The following ZNF562 variants were observed in gnomAD, a reference collection of about 807,000 sequenced individuals.
The protein encoded by ZNF562 is zinc finger protein 562.
ZNF562 carries 13 observed loss-of-function variants against 17.5 expected under a neutral mutation model. That is an observed-to-expected ratio of 0.74 (90% CI 0.48 to 1.18). ZNF562 has a LOEUF of 1.18. Ranked by LOEUF, ZNF562 falls within the 50% of genes most tolerant of loss-of-function variation. The pLI is 0.00. For missense variants in ZNF562, 481 were observed against 498.5 expected (o/e 0.96, Z 0.33); for synonymous variants, 163 against 165.4 (o/e 0.99, Z 0.11).
chr19:9,673,859 T>C (rs1047001103), intron 1 of ZNF562, among the ~76,000 whole-genome samples: 1 of 151,864 alleles, frequency 6.6e-6, no homozygotes, highest in South Asian at 2.1e-4. Flanking sequence ...TATAAAAAAT[T>C]AGCCAGGTGT....
At chr19:9,669,728 GCGCGCGCACACACA>G (rs1188311498) in intron 1 of ZNF562, among the ~76,000 whole-genome samples, 12 of 84,826 alleles carry the variant, frequency 1.4e-4, no homozygotes, top group Admixed American at 9.8e-4. Flanking sequence ...GCGCGCGCGC[GCGCGCGCACACACA>G]CACACACACA....
At chr19:9,669,256 TAAC>T (rs1320725712) in intron 1 of ZNF562, among the ~76,000 whole-genome samples, 1 of 151,636 alleles carries the variant, frequency 6.6e-6, no homozygotes, top group Non-Finnish European at 1.5e-5. Context: ...TCAAACTTGA[TAAC>T]AAAAAAAATC....
chr19:9,669,689 G>C (rs928410738), intron 1 of ZNF562, among the ~76,000 whole-genome samples: 1 of 147,702 alleles, frequency 6.8e-6, no homozygotes, highest in East Asian at 2.2e-4. Context: ...TCTGAAACTG[G>C]CAAGACCTGT....
At chr19:9,665,057 A>C (rs964407341) in intron 1 of ZNF562, among the ~76,000 whole-genome samples, 3 of 151,706 alleles carry the variant, frequency 2.0e-5, no homozygotes, top group Non-Finnish European at 4.4e-5. Flanking sequence ...CCCTGTCTCT[A>C]CTGAAAATAC....
rs775722616 is a variant in ZNF562 at position 9,648,552 on chromosome 19, C to T, written c.*4397G>A. 2 of 152,108 alleles carry T rather than the reference C, an allele frequency of 1.3e-5. No homozygotes were observed. Among genetic ancestry groups the T allele is most frequent in the African/African-American group, 2.4e-5 (1 of 41,404 alleles). 9.4% of individuals were successfully genotyped at this position (152,108 alleles called of 1,614,324 possible). ...TCTTGACCTCAAATGATCTGCCCAC[C>T]CCCACCTCCCAAATTGCTGGGATTA... On this transcript the variant is annotated 3_prime_UTR_variant, in exon 6 of 6. Transcript: ENST00000453372.
chr19:9,653,771 A>C lies in ZNF562; in HGVS notation c.459T>G (p.Phe153Leu), dbSNP rs58594363. 3.8e-4 allele frequency: 609 copies of C among 1,614,102 alleles called. 1 individual carries two copies. In the African/African-American group the frequency reaches 7.1e-3, roughly 19 times the overall value. The stretch of plus-strand genomic sequence containing the variant: ...TGTCTTTTCCATAACAATTACCCTC[A>C]AAAGTGTTCCCTCCATTCTGAGCTC... ...HMRAQNGGNT[F>L]EGNCYGKDSI... is the part of the protein sequence containing the mutation. Residue 153 changes from phenylalanine (F) to leucine (L), a missense_variant, in exon 6 of 6, where the codon TTT becomes TTG. Coordinates refer to ENST00000453372, the MANE Select transcript of ZNF562 (RefSeq NM_001130031.2).
intron 1 of ZNF562, among the ~76,000 whole-genome samples, chr19:9,669,271 G>A (rs906876346): frequency 1.5e-4 from 22 of 151,634 alleles, no homozygotes; most frequent in African/African-American, 4.8e-4. Flanking sequence ...AAAAAAATCC[G>A]ATAAAAAAAT....
chr19:9,657,504 G>A (rs1358816308), intron 4 of ZNF562, among the ~76,000 whole-genome samples: 1 of 151,022 alleles, frequency 6.6e-6, no homozygotes, highest in Non-Finnish European at 1.5e-5. Context: ...CTGAAATTCT[G>A]AGAAAAACAG....
At chr19:9,669,716 G>T (rs60749210) in intron 1 of ZNF562, among the ~76,000 whole-genome samples, 947 of 83,826 alleles carry the variant, frequency 0.011, 15 homozygotes, top group African/African-American at 0.048. Flanking sequence ...GCACGCGCGC[G>T]AGCGCGCGCG....
chr19:9,668,144 G>A (rs539177335), intron 1 of ZNF562, among the ~76,000 whole-genome samples: 6 of 152,246 alleles, frequency 3.9e-5, no homozygotes, highest in Admixed American at 6.5e-5. Flanking sequence ...GGGAGGCTGA[G>A]GTGGAAGGAT....
At chr19:9,663,248 C>CAAAAAAAAAAAAAAAAAA (rs59452070) in intron 1 of ZNF562, among the ~76,000 whole-genome samples, 1 of 129,912 alleles carries the variant, frequency 7.7e-6, no homozygotes, top group African/African-American at 2.9e-5. Flanking sequence ...ACTAAAAATA[C>CAAAAAAAAAAAAAAAAAA]AAAAAAAAAA....
At chr19:9,656,203 G>A (rs1414374534) in intron 5 of ZNF562, among the ~76,000 whole-genome samples, 1 of 152,130 alleles carries the variant, frequency 6.6e-6, no homozygotes, top group Non-Finnish European at 1.5e-5. Flanking sequence ...TTTTCTGAGA[G>A]AGGAAATTAA....
intron 1 of ZNF562, among the ~76,000 whole-genome samples, chr19:9,664,312 A>C (rs1313861572): frequency 2.0e-5 from 3 of 152,002 alleles, no homozygotes; most frequent in African/African-American, 7.2e-5. Context: ...CGAGTGGTCC[A>C]CCCGCCCCAG....
Position 9,642,575 on chromosome 19 carries a change from C to G in ZNF562, c.*10374G>C, listed in dbSNP as rs2074779454. The G allele has an allele frequency of 6.6e-6, 1 of 151,994 alleles. No homozygotes were observed. Among genetic ancestry groups the G allele is most frequent in the African/African-American group, 2.4e-5 (1 of 41,364 alleles). The allele number at this position is 151,994 out of a possible 1,614,324, so 9.4% of individuals were successfully genotyped here. A position where few individuals can be genotyped will look rare whatever the true frequency, so the allele number is the denominator to read the frequency against. On this transcript the variant is annotated 3_prime_UTR_variant, in exon 6 of 6. Transcript: ENST00000453372. ...TACAACTGTGAGCCACTCTGCTTGGCCCTTTATTCTTTTACATATTTAATT... is the reference window on the plus strand; with the variant it reads ...TACAACTGTGAGCCACTCTGCTTGGGCCTTTATTCTTTTACATATTTAATT...
rs1599255929 is a variant in ZNF562 at position 9,646,365 on chromosome 19, C to A, written c.*6584G>T. 6.6e-6 allele frequency: 1 copy of A among 152,168 alleles called. No homozygotes were observed. Among genetic ancestry groups the A allele is most frequent in the African/African-American group, 2.4e-5 (1 of 41,510 alleles). 9.4% of individuals were successfully genotyped at this position (152,168 alleles called of 1,614,324 possible). A position where few individuals can be genotyped will look rare whatever the true frequency, so the allele number is the denominator to read the frequency against. On this transcript the variant is annotated 3_prime_UTR_variant, in exon 6 of 6. Transcript: ENST00000453372. The stretch of plus-strand genomic sequence containing the variant: ...GATTACAGACATCAGCCACTATGCC[C>A]AGCGGTATACAGATTTTTTAAAACT...
intron 1 of ZNF562, among the ~76,000 whole-genome samples, chr19:9,673,637 A>C (rs528003141): frequency 6.6e-6 from 1 of 152,164 alleles, no homozygotes; most frequent in African/African-American, 2.4e-5. Flanking sequence ...TAACAATTAG[A>C]AAAAAAATAA....
At position 9,651,493 on chromosome 19, in the gene ZNF562, G is replaced by T. The variant is rs191213529; in HGVS notation, c.*1456C>A. ...GCCATAAACAGGCAATGAGAAACTG[G>T]CCATAAACAAAATCTCTGCAGCACT... On this transcript the variant is annotated 3_prime_UTR_variant, in exon 6 of 6. Coordinates refer to ENST00000453372, the MANE Select transcript of ZNF562 (RefSeq NM_001130031.2). 6.6e-6 allele frequency: 1 copy of T among 152,194 alleles called. No individual in the cohort carries two copies. Among genetic ancestry groups the T allele is most frequent in the Non-Finnish European group, 1.5e-5 (1 of 68,036 alleles). 9.4% of individuals were successfully genotyped at this position (152,194 alleles called of 1,614,324 possible). A position where few individuals can be genotyped will look rare whatever the true frequency, so the allele number is the denominator to read the frequency against.
At chr19:9,672,874 G>A (rs986616057) in intron 1 of ZNF562, among the ~76,000 whole-genome samples, 1 of 150,264 alleles carries the variant, frequency 6.7e-6, no homozygotes, top group Non-Finnish European at 1.5e-5. Context: ...CCGCCTCCCG[G>A]GTTAAAGTGA....
At chr19:9,658,365 T>G in intron 3 of ZNF562, 1 of 982,020 alleles carries the variant, frequency 1.0e-6, no homozygotes, top group Non-Finnish European at 1.2e-6. Context: ...TTCTTTTTTT[T>G]TGTGACAGAG....
Sources: allele counts gnomAD v4.1 joint callset (sites outside exome capture counted in the v4.1 genomes callset), GRCh38; gene constraint gnomAD v4.1.1; transcripts MANE v1.5; gene names NCBI Gene and HGNC (gene_info 2026-07-23, HGNC 2026-07-21).